The following SLC25A48 variants were observed in gnomAD, a reference collection of about 807,000 sequenced individuals.
SLC25A48 encodes CTC-321K16.1.
Under a neutral mutation model 32.2 loss-of-function variants are expected in SLC25A48, and 29 were observed. The observed-to-expected ratio is 0.90, with a 90% CI of 0.67 to 1.23. The LOEUF is 1.23. Among genes scored for constraint, SLC25A48 ranks in the 50% most tolerant of loss-of-function variants. The pLI is 0.00. For missense variants in SLC25A48, 399 were observed against 422.7 expected, an observed-to-expected ratio of 0.94 and a Z score of 0.49; for synonymous variants, 164 against 172.3, an observed-to-expected ratio of 0.95 and a Z score of 0.38.
rs75648894 is a variant in SLC25A48, at chr5:135,728,277, G to A, written c.-520-84246G>A. ...TCTCAAAAAAAAAAAAAAAAATGTG[G>A]CTTTCTATAGTTAGCATGTATTTTG... On this transcript the variant is annotated intron_variant, in intron 3 of 10. Coordinates refer to the SLC25A48 transcript ENST00000646290. 7.3e-5 allele frequency among the ~76,000 whole-genome samples: 11 copies of A among 151,064 alleles called. No homozygotes were observed. In the East Asian group the frequency reaches 1.4e-3, roughly 19 times the overall value.
intron 3 of SLC25A48, among the ~76,000 whole-genome samples, chr5:135,697,969 C>A (rs1435479103): frequency 2.0e-5 from 3 of 152,256 alleles, no homozygotes; most frequent in Admixed American, 2.0e-4. Context: ...TCCCACCTCA[C>A]CTTGCCCTGG....
At chr5:135,826,173 C>G (rs1415021403) in intron 4 of SLC25A48, among the ~76,000 whole-genome samples, 1 of 152,120 alleles carries the variant, frequency 6.6e-6, no homozygotes, top group Non-Finnish European at 1.5e-5. Context: ...TTGGCAGATT[C>G]TCCCAGCCCC....
At position 135,885,451 on chromosome 5, in the gene SLC25A48, C is replaced by G. The variant is rs527582446; in HGVS notation, c.*8-2581C>G. Among the ~76,000 whole-genome samples the G allele has an allele frequency of 1.1e-4, 17 of 152,272 alleles. No homozygotes were observed. In the South Asian group the frequency reaches 3.3e-3, roughly 30 times the overall value. On this transcript the variant is annotated intron_variant, in intron 7 of 7. Transcript: ENST00000681962. ...CAGGAACAGGAATGCTCCCTGTTTTCGACCCAGCTCAGATGCTTTAAGCCC... is the reference window on the plus strand; with the variant it reads ...CAGGAACAGGAATGCTCCCTGTTTTGGACCCAGCTCAGATGCTTTAAGCCC...
At chr5:135,817,970 AC>A (rs1757769477) in intron 4 of SLC25A48, among the ~76,000 whole-genome samples, 2 of 152,064 alleles carry the variant, frequency 1.3e-5, no homozygotes, top group Admixed American at 6.5e-5. Flanking sequence ...GTAAACAAAA[AC>A]ATTGTGGAGG....
At chr5:135,746,705 A>G (rs1037077882) in intron 3 of SLC25A48, among the ~76,000 whole-genome samples, 5 of 152,106 alleles carry the variant, frequency 3.3e-5, no homozygotes, top group Non-Finnish European at 7.3e-5. Context: ...TTTCATACCC[A>G]AGAGATTTAA....
chr5:135,782,185 C>T (rs1156807808), intron 3 of SLC25A48, among the ~76,000 whole-genome samples: 2 of 116,592 alleles, frequency 1.7e-5, no homozygotes, highest in Non-Finnish European at 4.2e-5. Flanking sequence ...CCCAATATCG[C>T]AGGAAGTCTC....
At chr5:135,753,038 G>T (rs1755807012) in intron 3 of SLC25A48, among the ~76,000 whole-genome samples, 1 of 152,056 alleles carries the variant, frequency 6.6e-6, no homozygotes. Context: ...GATATATTAT[G>T]CATAATATCA....
intron 3 of SLC25A48, among the ~76,000 whole-genome samples, chr5:135,731,624 G>C (rs1158319208): frequency 3.9e-5 from 6 of 152,148 alleles, no homozygotes; most frequent in Non-Finnish European, 8.8e-5. Context: ...AGAATGATTG[G>C]TGATGGCCTG....
chr5:135,746,297 G>T, intron 3 of SLC25A48: 1 of 159,620 alleles, frequency 6.3e-6, no homozygotes, highest in South Asian at 1.6e-4. Context: ...CACAGCCGCT[G>T]GTTGGGGCAT....
intron 3 of SLC25A48, among the ~76,000 whole-genome samples, chr5:135,689,478 T>A (rs76305709): frequency 0.018 from 2,768 of 152,286 alleles, 99 homozygotes; most frequent in African/African-American, 0.063. Context: ...TGAATAAGTG[T>A]CTAAAGTAAA....
chr5:135,779,818 G>A (rs1181414616), intron 3 of SLC25A48, among the ~76,000 whole-genome samples: 1 of 117,008 alleles, frequency 8.5e-6, no homozygotes, highest in East Asian at 2.1e-4. Flanking sequence ...ATATCGCAAG[G>A]GGTGTACACC....
chr5:135,871,364 G>A, intron 4 of SLC25A48, 97 bp from the exon 5 acceptor site: 2 of 1,414,094 alleles, frequency 1.4e-6, no homozygotes, highest in African/African-American at 1.4e-5. Flanking sequence ...CTACATGAGA[G>A]GGAACTGTCA....
intron 4 of SLC25A48, among the ~76,000 whole-genome samples, chr5:135,866,549 G>A (rs1205634603): frequency 6.6e-6 from 1 of 152,154 alleles, no homozygotes; most frequent in African/African-American, 2.4e-5. Context: ...CCTAAGAGAT[G>A]GCTGTATTGG....
At chr5:135,881,204 G>C (rs1263387425) in intron 7 of SLC25A48, among the ~76,000 whole-genome samples, 2 of 152,228 alleles carry the variant, frequency 1.3e-5, no homozygotes, top group African/African-American at 4.8e-5. Context: ...AGTGTGGACT[G>C]AACTTTCTAG....
chr5:135,834,844 G>A lies in SLC25A48; in HGVS notation c.-4G>A. ...CTCCGGGAGGGCGAGACCGAGCGCC[G>A]GCCATGGGAAGCTTCCAGCTGGAAG... On this transcript the variant is annotated 5_prime_UTR_variant, in exon 1 of 8. Transcript: ENST00000681962. 4 of 1,597,350 alleles carry A rather than the reference G, an allele frequency of 2.5e-6. No homozygotes were observed. The highest frequency in any genetic ancestry group is 3.4e-6 in the Non-Finnish European group (4 of 1,172,654).
intron 3 of SLC25A48, among the ~76,000 whole-genome samples, chr5:135,702,407 A>G (rs1341675606): frequency 3.9e-5 from 6 of 152,224 alleles, no homozygotes; most frequent in Non-Finnish European, 7.3e-5. Context: ...TGATGCGTCT[A>G]TAAGCCAAGG....
intron 3 of SLC25A48, among the ~76,000 whole-genome samples, chr5:135,658,028 G>A (rs1753298076): frequency 6.6e-6 from 1 of 152,064 alleles, no homozygotes; most frequent in Non-Finnish European, 1.5e-5. Flanking sequence ...TGTGCTCCTG[G>A]CCACTCCAAA....
chr5:135,638,806 T>C (rs1441638829), intron 3 of SLC25A48, among the ~76,000 whole-genome samples: 1 of 152,198 alleles, frequency 6.6e-6, no homozygotes, highest in African/African-American at 2.4e-5. Flanking sequence ...TGTCTTTATA[T>C]AAATCGTGAT....
At chr5:135,615,974 T>G (rs1049330838) in intron 1 of SLC25A48, among the ~76,000 whole-genome samples, 2 of 152,236 alleles carry the variant, frequency 1.3e-5, no homozygotes, top group African/African-American at 2.4e-5. Context: ...GGGCTGCTGC[T>G]TCAGAAGGTG....
Sources: allele counts gnomAD v4.1 joint callset (sites outside exome capture counted in the v4.1 genomes callset), GRCh38; gene constraint gnomAD v4.1.1; transcripts MANE v1.5; gene names NCBI Gene and HGNC (gene_info 2026-07-23, HGNC 2026-07-21).